The following WWC2 variants were observed in gnomAD, a reference collection of about 807,000 sequenced individuals.
WWC2 encodes WW and C2 domain containing 2, also known as protein WWC2.
WWC2 carries 101 observed loss-of-function variants against 138.5 expected under a neutral mutation model. That is an observed-to-expected ratio of 0.73 (90% CI 0.62 to 0.86). WWC2 has a LOEUF of 0.86. WWC2 is among the 40% of genes least tolerant of loss of function. WWC2 has a pLI of 0.00. For synonymous variants in WWC2, 558 were observed against 538.4 expected (o/e 1.04, Z -0.50); for missense variants, 1,420 against 1,419.4 (o/e 1.00, Z -0.01).
chr4:183,163,890 A>G (rs1054218682), intron 1 of WWC2, among the ~76,000 whole-genome samples: 1 of 152,156 alleles, frequency 6.6e-6, no homozygotes, highest in African/African-American at 2.4e-5. Flanking sequence ...AGGTGGCAAG[A>G]TTAATGGGAG....
intron 1 of WWC2, among the ~76,000 whole-genome samples, chr4:183,171,351 A>G (rs2111163665): frequency 6.6e-6 from 1 of 152,338 alleles, no homozygotes; most frequent in Non-Finnish European, 1.5e-5. Context: ...ACAAGGTATA[A>G]TATTTATGTT....
At chr4:183,241,856 A>G (rs1210107288) in intron 5 of WWC2, among the ~76,000 whole-genome samples, 3 of 152,270 alleles carry the variant, frequency 2.0e-5, no homozygotes, top group East Asian at 1.9e-4. Flanking sequence ...TTTAAGGCAC[A>G]TGAAATTATA....
intron 1 of WWC2, among the ~76,000 whole-genome samples, chr4:183,172,556 G>GTTTTTTTTTTTTTTTTTTTTTTT (rs61599876): frequency 2.7e-5 from 3 of 113,068 alleles, no homozygotes; most frequent in Admixed American, 9.0e-5. Context: ...TATGTTTCTT[G>GTTTTTTTTTTTTTTTTTTTTTTT]TTTTTTTTTT....
chr4:183,275,120 A>G (rs1019860079), intron 16 of WWC2, among the ~76,000 whole-genome samples: 1 of 151,308 alleles, frequency 6.6e-6, no homozygotes, highest in African/African-American at 2.4e-5. Flanking sequence ...CTGTTTTCTC[A>G]GTTGCATTTT....
chr4:183,196,891 A>G (rs934433126), intron 2 of WWC2, among the ~76,000 whole-genome samples: 3 of 152,124 alleles, frequency 2.0e-5, no homozygotes, highest in South Asian at 2.1e-4. Flanking sequence ...CCATCCAGAT[A>G]TTTCCAGAGG....
At chr4:183,119,394 G>T (rs1455784655) in intron 1 of WWC2, among the ~76,000 whole-genome samples, 1 of 152,088 alleles carries the variant, frequency 6.6e-6, no homozygotes, top group African/African-American at 2.4e-5. Flanking sequence ...GATGCCCTTT[G>T]TCCTCTTCCT....
intron 1 of WWC2, among the ~76,000 whole-genome samples, chr4:183,135,956 C>CTCTTT (rs145070337): frequency 1.5e-3 from 231 of 151,726 alleles, no homozygotes; most frequent in East Asian, 5.4e-3. Context: ...GTTTTCTATT[C>CTCTTT]TCTTTTCTTT....
intron 1 of WWC2, among the ~76,000 whole-genome samples, chr4:183,111,843 C>T (rs1285515086): frequency 7.9e-5 from 12 of 151,608 alleles, no homozygotes; most frequent in African/African-American, 2.4e-4. Flanking sequence ...TACAGGGGTG[C>T]GGCACAACAC....
chr4:183,249,891 G>T, intron 7 of WWC2, 29 bp from the exon 8 acceptor site: 1 of 1,587,148 alleles, frequency 6.3e-7, no homozygotes, highest in South Asian at 1.1e-5. Context: ...AGAGTTAATT[G>T]ACTTTTTTCC....
At chr4:183,113,517 C>T (rs1042625885) in intron 1 of WWC2, among the ~76,000 whole-genome samples, 176 of 133,740 alleles carry the variant, frequency 1.3e-3, no homozygotes, top group African/African-American at 5.5e-3. Flanking sequence ...TGTGTGTGTG[C>T]GCGCGCGTGC....
At chr4:183,112,541 C>CTCAT (rs1441467407) in intron 1 of WWC2, among the ~76,000 whole-genome samples, 1 of 152,214 alleles carries the variant, frequency 6.6e-6, no homozygotes, top group African/African-American at 2.4e-5. Context: ...CACTCAGTCA[C>CTCAT]TCATTCATTC....
intron 2 of WWC2, among the ~76,000 whole-genome samples, chr4:183,203,834 C>T (rs4615211): frequency 0.97 from 148,265 of 152,232 alleles, 72,331 homozygotes; most frequent in East Asian, 1. Flanking sequence ...TTTTCAAGAG[C>T]GATTCTTCCT....
At chr4:183,128,322 G>A (rs897287960) in intron 1 of WWC2, among the ~76,000 whole-genome samples, 2 of 151,996 alleles carry the variant, frequency 1.3e-5, no homozygotes, top group South Asian at 4.1e-4. Flanking sequence ...CTGGGCGACA[G>A]AGCGAGACTG....
chr4:183,269,225 CT>C, intron 15 of WWC2, 62 bp downstream of exon 15: 1 of 1,515,968 alleles, frequency 6.6e-7, no homozygotes, highest in African/African-American at 1.4e-5. Context: ...TGAGGATATA[CT>C]TTGTAGTTGC....
chr4:183,149,853 G>A (rs908445052), intron 1 of WWC2, among the ~76,000 whole-genome samples: 2 of 151,966 alleles, frequency 1.3e-5, no homozygotes, highest in African/African-American at 4.8e-5. Flanking sequence ...AATTAATATG[G>A]GGTTGCAAAA....
chr4:183,158,271 A>C (rs1561441001), intron 1 of WWC2, among the ~76,000 whole-genome samples: 2 of 152,114 alleles, frequency 1.3e-5, no homozygotes, highest in African/African-American at 4.8e-5. Context: ...TGTGGAAAAA[A>C]TGAGGTTTGG....
intron 1 of WWC2, among the ~76,000 whole-genome samples, chr4:183,192,605 C>T (rs1735020523): frequency 6.6e-6 from 1 of 152,144 alleles, no homozygotes; most frequent in Admixed American, 6.5e-5. Context: ...GGATGATGTA[C>T]TTTGTTATTC....
At chr4:183,177,364 A>G (rs2111175893) in intron 1 of WWC2, among the ~76,000 whole-genome samples, 1 of 152,340 alleles carries the variant, frequency 6.6e-6, no homozygotes, top group South Asian at 2.1e-4. Flanking sequence ...AAATGTTTAG[A>G]AAAAATTCAA....
chr4:183,259,319 T>G (rs1379276532), intron 9 of WWC2, among the ~76,000 whole-genome samples: 3 of 152,150 alleles, frequency 2.0e-5, no homozygotes, highest in African/African-American at 7.2e-5. Flanking sequence ...GTTTTTTGTT[T>G]CCTTGGTTAT....
Sources: gnomAD v4.1 joint callset for allele counts (sites outside exome capture counted in the v4.1 genomes callset) on GRCh38, gnomAD v4.1.1 for gene constraint, MANE v1.5 for transcripts, NCBI Gene and HGNC (gene_info 2026-07-23, HGNC 2026-07-21) for gene names.